The following USH2A variants were observed in gnomAD, a reference collection of about 807,000 sequenced individuals.
The protein encoded by USH2A is usherin, also known as Usher syndrome 2A (autosomal recessive, mild).
In USH2A, 443 loss-of-function variants were observed where a neutral mutation model predicts 538.9. The observed-to-expected ratio is 0.82, with a 90% CI of 0.76 to 0.89. The LOEUF is 0.89. USH2A is among the 40% of genes least tolerant of loss of function. The pLI is 0.00. For synonymous variants in USH2A, 2,413 were observed against 2,273.5 expected, an observed-to-expected ratio of 1.06 and a Z score of -1.75; for missense variants, 6,633 against 6,324.8, an observed-to-expected ratio of 1.05 and a Z score of -1.65.
intron 20 of USH2A, among the ~76,000 whole-genome samples, chr1:216,188,311 A>C (rs983863186): frequency 1.3e-5 from 2 of 151,788 alleles, no homozygotes; most frequent in East Asian, 3.9e-4. Flanking sequence ...TCCCATCTCC[A>C]TGATCCAGCT....
Position 216,199,633 on chromosome 1 carries a change from G to C in USH2A, c.3805C>G (p.Leu1269Val). 7 of 1,613,962 alleles carry C rather than the reference G, an allele frequency of 4.3e-6. No individual in the cohort carries two copies. The highest frequency in any genetic ancestry group is 5.9e-6 in the Non-Finnish European group (7 of 1,179,994). Residue 1269 changes from leucine to valine, a missense_variant, in exon 17 of 72, where the codon CTA (leucine) becomes GTA (valine). By Grantham distance (32) the Leu-to-Val change is conservative. Transcript: ENST00000307340. ...LHVEWSPPAE[L>V]NGIIIRYELY... ...CTCAGCCTTGGATTCTTACCATTTA[G>C]TTCCGCTGGTGGAGACCATTCTACA...
intron 9 of USH2A, among the ~76,000 whole-genome samples, chr1:216,297,801 T>A (rs1270351121): frequency 1.3e-5 from 2 of 152,080 alleles, no homozygotes; most frequent in Admixed American, 1.3e-4. Context: ...ACAGAGGAGG[T>A]CCTATCTATT....
chr1:215,793,480 G>A (rs910952823), intron 50 of USH2A, among the ~76,000 whole-genome samples: 1 of 152,040 alleles, frequency 6.6e-6, no homozygotes, highest in Non-Finnish European at 1.5e-5. Context: ...AGATGGCTCT[G>A]TGACTACCAC....
chr1:215,779,793 C>T (rs1661568710), intron 55 of USH2A, 50 bp downstream of exon 55: 2 of 1,604,884 alleles, frequency 1.2e-6, no homozygotes, highest in South Asian at 2.2e-5. Flanking sequence ...CCCCCCTAAC[C>T]ACAATGACAG....
At chr1:215,662,823 C>T (rs1265820770) in intron 64 of USH2A, among the ~76,000 whole-genome samples, 6 of 152,072 alleles carry the variant, frequency 3.9e-5, no homozygotes, top group Admixed American at 6.5e-5. Context: ...CCATGCTGGT[C>T]GGAAATACAT....
intron 44 of USH2A, among the ~76,000 whole-genome samples, chr1:215,860,912 C>T (rs1664297210): frequency 6.6e-6 from 1 of 152,194 alleles, no homozygotes; most frequent in Non-Finnish European, 1.5e-5. Flanking sequence ...ATCTTGCTCG[C>T]AGAATCTCCA....
At chr1:216,099,510 G>C (rs1346156081) in intron 21 of USH2A, among the ~76,000 whole-genome samples, 2 of 152,112 alleles carry the variant, frequency 1.3e-5, no homozygotes, top group Non-Finnish European at 2.9e-5. Context: ...GCAGGAATAG[G>C]ATTTTCAAAA....
intron 32 of USH2A, among the ~76,000 whole-genome samples, chr1:216,035,225 A>G (rs1346228923): frequency 2.0e-5 from 3 of 152,190 alleles, no homozygotes; most frequent in Admixed American, 6.6e-5. Context: ...CCTAGCCTCT[A>G]GAACTGCAGT....
rs575406040 is a variant in USH2A at position 215,983,814 on chromosome 1, C to T, written c.6805+9206G>A. On this transcript the variant is annotated intron_variant, in intron 35 of 71. Transcript: ENST00000307340. ...AAGCAACCAGTGACAATAAAGCATT[C>T]CCAGCTAGTACTAGCTAAGATTCCT... Among the ~76,000 whole-genome samples the T allele has an allele frequency of 3.3e-5, 5 of 152,308 alleles. No homozygotes were observed. The East Asian group carries it at 7.7e-4, about 24-fold the overall frequency.
chr1:216,321,975 A>G lies in USH2A; in HGVS notation c.1552T>C (p.Cys518Arg). ...AVDEITISGR[C>R]QCHGHADNCD... ...TTATCGGCATGACCATGGCACTGAC[A>G]TCTGCAAACATGAGCATCACACACT... The change falls in exon 9 of 72, where the codon TGT becomes CGT. Residue 518 changes from cysteine to arginine, a missense_variant and splice_region_variant. Cys to Arg is a radical substitution (Grantham distance 180). Coordinates refer to ENST00000307340, the MANE Select transcript of USH2A (RefSeq NM_206933.4). The G allele has an allele frequency of 6.2e-7, 1 of 1,613,856 alleles. No individual in the cohort carries two copies. Among genetic ancestry groups the G allele is most frequent in the South Asian group, 1.1e-5 (1 of 91,080 alleles).
intron 49 of USH2A, among the ~76,000 whole-genome samples, chr1:215,804,144 CAA>C (rs1367697035): frequency 2.6e-5 from 4 of 152,008 alleles, no homozygotes; most frequent in Non-Finnish European, 4.4e-5. Flanking sequence ...CAAGATGGAT[CAA>C]AGACTTAAAT....
Position 216,089,038 on chromosome 1 carries a change from T to C in USH2A, c.4860A>G (p.Gln1620=), listed in dbSNP as rs2032219660. 1 of 1,613,540 alleles carries C rather than the reference T, an allele frequency of 6.2e-7. No homozygotes were observed. Among genetic ancestry groups the C allele is most frequent in the Non-Finnish European group, 8.5e-7 (1 of 1,179,612 alleles). Residue 1620 remains glutamine (Q), a synonymous_variant, in exon 23 of 72, where the codon CAA becomes CAG. Coordinates refer to ENST00000307340, the MANE Select transcript of USH2A (RefSeq NM_206933.4). ...CTGTATATATCCCATCCAGAGTGAT[T>C]TGGCCAAAAGCCTGATGCCTAATAG... ...IIAIRHQAFG[Q]ITLDGIYTGS... is the part of the protein sequence containing the mutation.
At chr1:215,982,786 G>T (rs143351317) in intron 35 of USH2A, among the ~76,000 whole-genome samples, 3 of 152,186 alleles carry the variant, frequency 2.0e-5, no homozygotes, top group East Asian at 3.9e-4. Context: ...CTAAGCGAAA[G>T]AACAGACATT....
intron 10 of USH2A, among the ~76,000 whole-genome samples, chr1:216,290,285 G>A (rs141896116): frequency 6.6e-6 from 1 of 152,062 alleles, no homozygotes; most frequent in African/African-American, 2.4e-5. Context: ...CTCATATTCT[G>A]ATAGATATTG....
chr1:216,352,505 CT>C (rs1192402072), intron 4 of USH2A, among the ~76,000 whole-genome samples: 1 of 152,070 alleles, frequency 6.6e-6, no homozygotes, highest in Non-Finnish European at 1.5e-5. Context: ...TAAAGTCTGA[CT>C]GTAGATGGTG....
chr1:216,162,346 C>T (rs2034075773), intron 21 of USH2A, among the ~76,000 whole-genome samples: 1 of 152,004 alleles, frequency 6.6e-6, no homozygotes, highest in Non-Finnish European at 1.5e-5. Flanking sequence ...CTATTAATTA[C>T]TGTACAGATT....
chr1:215,979,789 T>C (rs889895537), intron 35 of USH2A, among the ~76,000 whole-genome samples: 2 of 151,940 alleles, frequency 1.3e-5, no homozygotes, highest in African/African-American at 2.4e-5. Flanking sequence ...CAGAAAAGAG[T>C]GTTCCTTTAT....
At chr1:215,999,170 A>C in intron 33 of USH2A, 112 bp from the exon 34 acceptor site, 1 of 910,310 alleles carries the variant, frequency 1.1e-6, no homozygotes, top group Non-Finnish European at 1.7e-6. Flanking sequence ...TAAAAAACAT[A>C]AATCTCAAAA....
Position 215,875,287 on chromosome 1 carries a change from C to CTT in USH2A, c.8681+2469_8681+2470dup, listed in dbSNP as rs141946821. 2.0e-4 allele frequency among the ~76,000 whole-genome samples: 29 copies of CTT among 146,574 alleles called. No homozygotes were observed. In the East Asian group the frequency reaches 4.6e-3, roughly 23 times the overall value. Reference sequence around the variant, plus strand: ...TTACACTGAATGTTAAGAAGAAATGCTTTTTTTTTTTCTACAAGCTTAATG... The same window carrying CTT: ...TTACACTGAATGTTAAGAAGAAATGCTTTTTTTTTTTTTCTACAAGCTTAATG... On this transcript the variant is annotated intron_variant, in intron 43 of 71. Transcript: ENST00000307340.
Sources: gnomAD v4.1 joint callset for allele counts (sites outside exome capture counted in the v4.1 genomes callset) on GRCh38, gnomAD v4.1.1 for gene constraint, MANE v1.5 for transcripts, NCBI Gene and HGNC (gene_info 2026-07-23, HGNC 2026-07-21) for gene names.